Variants in ZNF77 observed in about 807,000 individuals in gnomAD.
ZNF77 encodes zinc finger protein 77, also known as ZNFpT1.
Under a neutral mutation model 13.5 loss-of-function variants are expected in ZNF77, and 15 were observed. The ratio of observed to expected loss-of-function variants is 1.11; its 90% CI spans 0.74 to 1.71. The LOEUF (loss-of-function observed/expected upper bound fraction) is 1.71, where lower values mean the gene tolerates loss of function less well. Among genes scored for constraint, ZNF77 ranks in the 40% most tolerant of loss-of-function variants. The probability of loss-of-function intolerance (pLI) is 0.00; values close to 1 mark genes in which losing one functional copy is unlikely to be tolerated. For missense variants in ZNF77, 717 were observed against 676.4 expected (o/e 1.06, Z -0.67); for synonymous variants, 282 against 250.0 (o/e 1.13, Z -1.21).
chr19:2,936,782 C>A, intron 2 of ZNF77, 78 bp from the exon 3 acceptor site: 2 of 1,350,126 alleles, frequency 1.5e-6, no homozygotes, highest in South Asian at 2.7e-5. Context: ...GATTTCTTTT[C>A]ATATAGTAAT....
At chr19:2,942,641 C>T (rs2144971002) in intron 1 of ZNF77, among the ~76,000 whole-genome samples, 1 of 152,166 alleles carries the variant, frequency 6.6e-6, no homozygotes, top group Non-Finnish European at 1.5e-5. Flanking sequence ...GACTTCAGCT[C>T]TGTGCTCCTG....
intron 3 of ZNF77, 122 bp downstream of exon 3, chr19:2,936,402 G>A: frequency 3.7e-6 from 4 of 1,089,658 alleles, no homozygotes; most frequent in Non-Finnish European, 5.0e-6. Context: ...ACCCGCCTCG[G>A]CCTCCCAAAG....
At position 2,936,528 on chromosome 19, in the gene ZNF77, G is replaced by C. The variant is rs1407108016; in HGVS notation, c.307C>G (p.Leu103Val). ...CTCCGGTTGAGCGCCACTCACCTCA[G>C]ATGCCTCTGTGGGATTTGGTGCTGA... Reference protein sequence around the residue: ...GDQHQIPQRHLRSQLGRLCES... With the variant: ...GDQHQIPQRHVRSQLGRLCES... Residue 103 changes from leucine (L) to valine (V), a missense_variant, in exon 3 of 4, where the codon CTG becomes GTG. Transcript: ENST00000314531. The C allele has an allele frequency of 3.1e-6, 5 of 1,596,488 alleles. No individual in the cohort carries two copies. In the South Asian group the frequency reaches 3.4e-5, roughly 11 times the overall value.
intron 2 of ZNF77, among the ~76,000 whole-genome samples, chr19:2,937,216 G>A (rs948230133): frequency 7.9e-5 from 12 of 152,132 alleles, no homozygotes; most frequent in Non-Finnish European, 1.8e-4. Context: ...GGATGCGGTG[G>A]CTCACGCCTG....
At chr19:2,938,675 G>T (rs1277237499) in intron 2 of ZNF77, among the ~76,000 whole-genome samples, 1 of 152,192 alleles carries the variant, frequency 6.6e-6, no homozygotes, top group Admixed American at 6.5e-5. Context: ...AGGTATCTTA[G>T]GCCGGGCGCG....
At chr19:2,938,739 G>T (rs919357114) in intron 2 of ZNF77, among the ~76,000 whole-genome samples, 45 of 152,160 alleles carry the variant, frequency 3.0e-4, no homozygotes, top group Admixed American at 1.4e-3. Flanking sequence ...GGCGGATCAC[G>T]AGGTCAGGAG....
intron 1 of ZNF77, among the ~76,000 whole-genome samples, chr19:2,944,320 C>G (rs991420001): frequency 1.5e-4 from 22 of 145,750 alleles, no homozygotes; most frequent in Non-Finnish European, 2.9e-4. Context: ...CCTAAACTGC[C>G]TTCGAGCCCC....
At position 2,934,387 on chromosome 19, in the gene ZNF77, T is replaced by C; in HGVS notation, c.740A>G (p.Lys247Arg). Residue 247 changes from lysine (K) to arginine (R), a missense_variant, in exon 4 of 4, where the codon AAG becomes AGG. Transcript: ENST00000314531. ...QKTHACKVCG[K>R]TFMYYSYLTR... Reference sequence around the variant, plus strand: ...AAGGTAGGAGTAATACATAAAGGTCTTCCCACATACTTTACATGCATGGGT... The same window carrying C: ...AAGGTAGGAGTAATACATAAAGGTCCTCCCACATACTTTACATGCATGGGT... The C allele has an allele frequency of 1.2e-6, 2 of 1,614,222 alleles. No homozygotes were observed. The highest frequency in any genetic ancestry group is 1.7e-6 in the Non-Finnish European group (2 of 1,180,036).
At chr19:2,943,195 C>A (rs2088465271) in intron 1 of ZNF77, among the ~76,000 whole-genome samples, 1 of 151,984 alleles carries the variant, frequency 6.6e-6, no homozygotes, top group Admixed American at 6.6e-5. Flanking sequence ...TGTCCCCATG[C>A]CCCTGTTGCT....
At chr19:2,941,151 G>A (rs1028194884) in intron 1 of ZNF77, among the ~76,000 whole-genome samples, 12 of 148,768 alleles carry the variant, frequency 8.1e-5, no homozygotes, top group East Asian at 4.0e-4. Context: ...CTCCAGCGTG[G>A]GTGACAGAGA....
intron 1 of ZNF77, among the ~76,000 whole-genome samples, chr19:2,941,002 C>A (rs2088443863): frequency 6.6e-6 from 1 of 151,654 alleles, no homozygotes; most frequent in Admixed American, 6.6e-5. Flanking sequence ...TGGTGAAACC[C>A]TGTCTCTACA....
intron 2 of ZNF77, among the ~76,000 whole-genome samples, chr19:2,937,842 C>T (rs138834854): frequency 2.7e-3 from 408 of 152,214 alleles, no homozygotes; most frequent in African/African-American, 9.3e-3. Context: ...CTGCAACCTC[C>T]GTGTCCTGGG....
At chr19:2,938,525 G>A (rs547532760) in intron 2 of ZNF77, among the ~76,000 whole-genome samples, 3 of 152,284 alleles carry the variant, frequency 2.0e-5, no homozygotes, top group African/African-American at 7.2e-5. Flanking sequence ...TGGTGATCAA[G>A]AAAACCTAAA....
chr19:2,944,796 A>G, intron 1 of ZNF77, 42 bp downstream of exon 1: 1 of 1,499,568 alleles, frequency 6.7e-7, no homozygotes, highest in South Asian at 1.2e-5. Context: ...CTGCCGCCCC[A>G]CCTCGCCCTG....
At chr19:2,939,648 T>A in intron 1 of ZNF77, 16 of 503,492 alleles carry the variant, frequency 3.2e-5, no homozygotes. Context: ...AAACGGCAGG[T>A]ATGAGGGTGG....
chr19:2,941,021 A>G (rs2088444018), intron 1 of ZNF77, among the ~76,000 whole-genome samples: 1 of 151,720 alleles, frequency 6.6e-6, no homozygotes, highest in African/African-American at 2.4e-5. Context: ...CAAAAAATAC[A>G]AAAATTAGCC....
chr19:2,936,685 T>C lies in ZNF77; in HGVS notation c.150A>G (p.Arg50=). The C allele has an allele frequency of 6.2e-7, 1 of 1,607,230 alleles. No homozygotes were observed. Among genetic ancestry groups the C allele is most frequent in the Non-Finnish European group, 8.5e-7 (1 of 1,178,180 alleles). The change falls in exon 3 of 4, where the codon AGA becomes AGG. Residue 50 remains arginine, a synonymous_variant. Coordinates refer to ENST00000314531, the MANE Select transcript of ZNF77 (RefSeq NM_021217.3). ...CCCTCTGAGAACTTGATCCACTGGT[T>C]CTAACATAAATGTAACAATCTGCAA... ...LASLDCYIYV[R]TSGSSSQRDV...
rs370819062 is a variant in ZNF77 at position 2,934,819 on chromosome 19, T to C, written c.312-4A>G. 24 of 1,594,090 alleles carry C rather than the reference T, an allele frequency of 1.5e-5. No individual in the cohort carries two copies. The highest frequency in any genetic ancestry group is 2.2e-5 in the East Asian group (1 of 44,452). On this transcript the variant is annotated splice_region_variant and splice_polypyrimidine_tract_variant and intron_variant, in intron 3 of 3. Coordinates refer to ENST00000314531, the MANE Select transcript of ZNF77 (RefSeq NM_021217.3). Reference sequence around the variant, plus strand: ...ACAGAGTCTCCCCAGCTGACTTCTGTTCAAAATGGGAAGCAAGCTACTAGT... The same window carrying C: ...ACAGAGTCTCCCCAGCTGACTTCTGCTCAAAATGGGAAGCAAGCTACTAGT...
In ZNF77 at chr19:2,934,815, T is replaced by G; in HGVS notation, c.312A>C (p.Arg104Ser). Reference sequence around the variant, plus strand: ...TTTCACAGAGTCTCCCCAGCTGACTTCTGTTCAAAATGGGAAGCAAGCTAC... The same window carrying G: ...TTTCACAGAGTCTCCCCAGCTGACTGCTGTTCAAAATGGGAAGCAAGCTAC... The part of the protein sequence containing the change: ...DQHQIPQRHL[R>S]SQLGRLCESN... The change falls in exon 4 of 4, where the codon AGA (arginine) becomes AGC (serine). Residue 104 changes from arginine to serine, a missense_variant and splice_region_variant. Arg to Ser is a moderately radical substitution (Grantham distance 110, BLOSUM62 -1). Coordinates refer to ENST00000314531, the MANE Select transcript of ZNF77 (RefSeq NM_021217.3). The G allele has an allele frequency of 6.3e-7, 1 of 1,597,430 alleles. No homozygotes were observed. The highest frequency in any genetic ancestry group is 8.6e-7 in the Non-Finnish European group (1 of 1,168,638).
Sources: allele counts gnomAD v4.1 joint callset (sites outside exome capture counted in the v4.1 genomes callset), GRCh38; gene constraint gnomAD v4.1.1; transcripts MANE v1.5; gene names NCBI Gene and HGNC (gene_info 2026-07-23, HGNC 2026-07-21).